TESMIN: variants seen among roughly 807,000 people sequenced by gnomAD.
TESMIN encodes the protein testis expressed metallothionein like protein.
In TESMIN, 34 loss-of-function variants were observed where a neutral mutation model predicts 47.4. That is an observed-to-expected ratio of 0.72 (90% CI 0.55 to 0.96). The LOEUF (loss-of-function observed/expected upper bound fraction) is 0.96. TESMIN is among the 40% of genes least tolerant of loss of function. The pLI is 0.00. For missense variants in TESMIN, 610 were observed against 637.2 expected (o/e 0.96, Z 0.46); for synonymous variants, 278 against 258.9 (o/e 1.07, Z -0.71).
intron 3 of TESMIN, among the ~76,000 whole-genome samples, chr11:68,746,838 G>C (rs1157093326): frequency 1.3e-5 from 2 of 152,140 alleles, no homozygotes; most frequent in African/African-American, 4.8e-5. Context: ...GAGAGATTGG[G>C]ACACGAAGGA....
downstream of TESMIN, among the ~76,000 whole-genome samples, chr11:68,706,132 C>T (rs1471379212): frequency 2.6e-5 from 4 of 152,256 alleles, no homozygotes; most frequent in East Asian, 1.9e-4. Context: ...ACTGGCTCTC[C>T]GCCAAACACA....
intron 6 of TESMIN, chr11:68,737,844 C>T (rs369103307): frequency 1.3e-4 from 109 of 836,582 alleles, no homozygotes; most frequent in African/African-American, 1.2e-3. Flanking sequence ...ACCCAGGAGG[C>T]GGAGGTTGCA....
rs775046378 is a variant in TESMIN at position 68,742,316 on chromosome 11, A to G, written c.828+2T>C. ...ATTTTTTAAATTAAAACAATGACTC[A>G]CTTGTTGTGTAATGAGATTTAATTT... is the stretch of plus-strand genomic sequence containing the variant. On this transcript the variant is annotated splice_donor_variant, in intron 5 of 9. Transcript: ENST00000255087. LOFTEE classifies it high-confidence loss of function. The G allele has an allele frequency of 6.4e-7, 1 of 1,569,654 alleles. No homozygotes were observed. Among genetic ancestry groups the G allele is most frequent in the Admixed American group, 1.8e-5 (1 of 56,430 alleles).
downstream of TESMIN, chr11:68,707,302 C>T (rs1203639761): frequency 6.5e-6 from 1 of 153,906 alleles, no homozygotes; most frequent in Non-Finnish European, 1.4e-5. Flanking sequence ...TGCATTTGTA[C>T]TTGAGTTTCC....
At chr11:68,729,362 A>G (rs184477506) in intron 6 of TESMIN, among the ~76,000 whole-genome samples, 1 of 72,444 alleles carries the variant, frequency 1.4e-5, no homozygotes, top group East Asian at 7.9e-4. Flanking sequence ...TGTCTCTACT[A>G]AAAATACAAA....
chr11:68,747,122 G>T, intron 3 of TESMIN, 86 bp downstream of exon 3: 1 of 1,442,534 alleles, frequency 6.9e-7, no homozygotes, highest in South Asian at 1.2e-5. Flanking sequence ...AATGAAAAAC[G>T]AGTGAAATGA....
chr11:68,745,998 A>G (rs4930606), intron 3 of TESMIN, among the ~76,000 whole-genome samples: 93,867 of 152,104 alleles, frequency 0.62, 30,033 homozygotes, highest in East Asian at 0.78. Context: ...GTTGCTTATA[A>G]TCTAGATAAG....
At chr11:68,712,695 G>A (rs993893139) in intron 8 of TESMIN, among the ~76,000 whole-genome samples, 10 of 152,240 alleles carry the variant, frequency 6.6e-5, no homozygotes, top group Admixed American at 2.6e-4. Context: ...TCCAGGCCGT[G>A]ATCTGCAGCT....
intron 6 of TESMIN, among the ~76,000 whole-genome samples, chr11:68,717,801 C>T (rs1037216148): frequency 1.2e-4 from 19 of 152,140 alleles, no homozygotes; most frequent in Admixed American, 5.2e-4. Context: ...TGGGACCCCC[C>T]TGCCACCGTG....
Position 68,750,501 on chromosome 11 carries a change from G to T in TESMIN, c.160C>A (p.Leu54Met). Residue 54 changes from leucine (L) to methionine (M), a missense_variant, in exon 2 of 10, where the codon CTG (leucine) becomes ATG (methionine). Physicochemically the swap from Leu to Met is conservative, Grantham distance 15. Coordinates refer to ENST00000255087, the MANE Select transcript of TESMIN (RefSeq NM_004923.3). ...DEFHVFKEAYLGPADPKEPVL... is the reference protein window; with the variant it reads ...DEFHVFKEAYMGPADPKEPVL... Reference sequence around the variant, plus strand: ...GGTTCCTTGGGGTCCGCCGGGCCCAGGTACGCTTCTTTGAAGACGTGGAAC... The same window carrying T: ...GGTTCCTTGGGGTCCGCCGGGCCCATGTACGCTTCTTTGAAGACGTGGAAC... 1 of 1,603,638 alleles carries T rather than the reference G, an allele frequency of 6.2e-7. No homozygotes were observed. The highest frequency in any genetic ancestry group is 8.5e-7 in the Non-Finnish European group (1 of 1,175,726).
intron 6 of TESMIN, chr11:68,736,814 A>C (rs972984143): frequency 3.1e-6 from 3 of 978,738 alleles, no homozygotes; most frequent in Admixed American, 1.2e-4. Flanking sequence ...GGGGACGAGA[A>C]GAGGAAGGAG....
rs147932679 is a variant in TESMIN, at chr11:68,740,188, G to C, written c.829-1400C>G. On this transcript the variant is annotated intron_variant, in intron 5 of 9. Coordinates refer to ENST00000255087, the MANE Select transcript of TESMIN (RefSeq NM_004923.3). ...CTGATTCAGGGGGTCTGAATCCCAG[G>C]TTTGGGGTGGAACCTGAGGTTCTGC... 3.0e-4 allele frequency among the ~76,000 whole-genome samples: 45 copies of C among 152,126 alleles called. 1 individual carries two copies. The highest frequency in any genetic ancestry group is 6.5e-4 in the Non-Finnish European group (44 of 68,032).
At chr11:68,736,928 C>T in intron 6 of TESMIN, 1 of 985,378 alleles carries the variant, frequency 1.0e-6, no homozygotes, top group Non-Finnish European at 1.2e-6. Context: ...TGCCCATCGG[C>T]TGCAACACAT....
Position 68,715,844 on chromosome 11 carries a change from G to A in TESMIN, c.1013C>T (p.Ala338Val). ...TTAATGGACATTTATTACCTTAATG[G>A]CTTTAAACCGTTCAATATCATGATG... Reference protein sequence around the residue: ...NLHHDIERFKAIKACLGRNPE... With the variant: ...NLHHDIERFKVIKACLGRNPE... Residue 338 changes from alanine (A) to valine (V), a missense_variant, in exon 7 of 10, where the codon GCC becomes GTC. Coordinates refer to ENST00000255087, the MANE Select transcript of TESMIN (RefSeq NM_004923.3). The A allele has an allele frequency of 6.3e-7, 1 of 1,594,856 alleles. No homozygotes were observed.
intron 3 of TESMIN, among the ~76,000 whole-genome samples, chr11:68,746,391 A>G (rs974781360): frequency 6.6e-6 from 1 of 152,200 alleles, no homozygotes; most frequent in Non-Finnish European, 1.5e-5. Context: ...CACAGCCCCA[A>G]ATAGAACCAC....
At chr11:68,709,768 C>T (rs1239957884) in intron 9 of TESMIN, among the ~76,000 whole-genome samples, 1 of 151,986 alleles carries the variant, frequency 6.6e-6, no homozygotes, top group East Asian at 1.9e-4. Context: ...AATGTACAGG[C>T]CCCCACCGGA....
At chr11:68,730,521 G>A (rs1363610928) in intron 6 of TESMIN, among the ~76,000 whole-genome samples, 6 of 152,198 alleles carry the variant, frequency 3.9e-5, no homozygotes, top group East Asian at 1.9e-4. Flanking sequence ...CTGGCTGGGC[G>A]CAGTGACTCA....
chr11:68,744,715 C>T (rs1016207276), intron 4 of TESMIN, among the ~76,000 whole-genome samples: 25 of 152,180 alleles, frequency 1.6e-4, no homozygotes, highest in African/African-American at 4.1e-4. Flanking sequence ...AATGCAGTGT[C>T]GGTCTGAGTC....
At position 68,737,922 on chromosome 11, in the gene TESMIN, AAAC is replaced by A; in HGVS notation, c.917+775_917+777del. 3.4e-5 allele frequency: 5 copies of A among 145,230 alleles called. No individual in the cohort carries two copies. In the South Asian group the frequency reaches 1.7e-3, roughly 50 times the overall value. The allele number at this position is 145,230 out of a possible 1,614,324, so 9.0% of individuals were successfully genotyped here. A position where few individuals can be genotyped will look rare whatever the true frequency, so the allele number is the denominator to read the frequency against. On this transcript the variant is annotated intron_variant, in intron 6 of 9. Transcript: ENST00000255087. ...AGCAAGAGTCCGTCTCAAAAAAACAAAACAAACAAACAAACAAAAAACAAGAAA... is the reference window on the plus strand; with the variant it reads ...AGCAAGAGTCCGTCTCAAAAAAACAAAAACAAACAAACAAAAAACAAGAAA...
Sources: allele counts gnomAD v4.1 joint callset (sites outside exome capture counted in the v4.1 genomes callset), GRCh38; gene constraint gnomAD v4.1.1; transcripts MANE v1.5; gene names NCBI Gene and HGNC (gene_info 2026-07-23, HGNC 2026-07-21).